The following TET3 variants were observed in gnomAD, a reference collection of about 807,000 sequenced individuals.
TET3 encodes tet methylcytosine dioxygenase 3.
In TET3, 19 loss-of-function variants were observed where a neutral mutation model predicts 141.4. The observed-to-expected ratio is 0.13, with a 90% CI of 0.09 to 0.20. The LOEUF (loss-of-function observed/expected upper bound fraction) is 0.20. TET3 is among the 10% of genes least tolerant of loss of function. The pLI is 1.00. For synonymous variants in TET3, 1,043 were observed against 980.9 expected (o/e 1.06, Z -1.18); for missense variants, 1,874 against 2,356.9 (o/e 0.80, Z 4.24).
intron 4 of TET3, among the ~76,000 whole-genome samples, chr2:74,071,515 A>G (rs181798368): frequency 2.7e-4 from 41 of 152,310 alleles, no homozygotes; most frequent in Admixed American, 9.8e-4. Context: ...AAGTTAGTGC[A>G]GCGAATTCCT....
rs964111144 is a variant in TET3 at position 74,016,240 on chromosome 2, C to G, written c.360+13074C>G. On this transcript the variant is annotated intron_variant, in intron 3 of 11. Transcript: ENST00000409262. ...CTTGCTTGAGCCCAGGAGTTGGACA[C>G]TATAGTGTGCTACGATCAGGCCACT... Among the ~76,000 whole-genome samples the G allele has an allele frequency of 4.2e-4, 64 of 151,390 alleles. 1 individual carries two copies. Among genetic ancestry groups the G allele is most frequent in the Non-Finnish European group, 7.4e-5 (5 of 67,920 alleles).
the TET3 span, among the ~76,000 whole-genome samples, chr2:74,115,259 C>CA: frequency 1.3e-5 from 2 of 151,894 alleles, no homozygotes; most frequent in Non-Finnish European, 1.5e-5. Flanking sequence ...ATCTCAACAG[C>CA]AAAAAAACGA....
intron 3 of TET3, among the ~76,000 whole-genome samples, chr2:74,032,777 C>T (rs543091628): frequency 1.1e-3 from 162 of 152,254 alleles, no homozygotes; most frequent in African/African-American, 3.8e-3. Context: ...AGCAGCTGTG[C>T]TCCCCCTTCA....
chr2:74,003,489 T>TGG (rs1336189061), intron 3 of TET3, among the ~76,000 whole-genome samples: 71 of 127,060 alleles, frequency 5.6e-4, no homozygotes, highest in African/African-American at 2.1e-3. Context: ...TGGAAATCTC[T>TGG]CGAGAATGTC....
At chr2:74,086,060 C>G (rs1404043746) in intron 6 of TET3, among the ~76,000 whole-genome samples, 1 of 152,238 alleles carries the variant, frequency 6.6e-6, no homozygotes, top group Non-Finnish European at 1.5e-5. Context: ...CTTTCTAAAG[C>G]ATGAAACTCT....
chr2:74,013,510 C>G (rs6714186), intron 3 of TET3, among the ~76,000 whole-genome samples: 7 of 151,560 alleles, frequency 4.6e-5, no homozygotes, highest in Non-Finnish European at 8.8e-5. Context: ...AATAATAATT[C>G]GATTCTTTTT....
At chr2:74,050,289 A>G (rs1238431044) in intron 4 of TET3, among the ~76,000 whole-genome samples, 1 of 152,220 alleles carries the variant, frequency 6.6e-6, no homozygotes, top group Non-Finnish European at 1.5e-5. Context: ...GAAAACGATA[A>G]TAGTACCGGC....
intron 7 of TET3, among the ~76,000 whole-genome samples, chr2:74,088,676 T>C (rs1044146356): frequency 6.6e-6 from 1 of 151,968 alleles, no homozygotes; most frequent in Non-Finnish European, 1.5e-5. Context: ...TTATCAGAGT[T>C]TTTCCCATTT....
intron 4 of TET3, among the ~76,000 whole-genome samples, chr2:74,066,806 TCTC>T (rs1456072616): frequency 3.3e-5 from 5 of 152,152 alleles, no homozygotes; most frequent in Non-Finnish European, 7.4e-5. Flanking sequence ...GTTTGTGCCT[TCTC>T]CTTGAAAATT....
intron 4 of TET3, among the ~76,000 whole-genome samples, chr2:74,054,559 G>A (rs748835129): frequency 4.6e-5 from 7 of 152,126 alleles, no homozygotes; most frequent in Non-Finnish European, 7.3e-5. Context: ...GCAGACTGAT[G>A]GTAACTGAAA....
At chr2:74,112,020 C>CA (rs1439501325), downstream of TET3, among the ~76,000 whole-genome samples, 7 of 152,164 alleles carry the variant, frequency 4.6e-5, no homozygotes, top group African/African-American at 1.7e-4. Flanking sequence ...TGAAAGACTT[C>CA]AATTCTAGCC....
chr2:74,117,263 G>A, the TET3 span, among the ~76,000 whole-genome samples: 1 of 152,106 alleles, frequency 6.6e-6, no homozygotes, highest in African/African-American at 2.4e-5. Flanking sequence ...TTTTAGTAGA[G>A]ATGGGGTTTC....
chr2:74,092,042 G>A (rs181850423), intron 8 of TET3, among the ~76,000 whole-genome samples: 160 of 152,326 alleles, frequency 1.1e-3, no homozygotes, highest in Middle Eastern at 6.8e-3. Context: ...TGTGGCTCAC[G>A]CCTGTAATCC....
rs1172268178 is a variant in TET3, at chr2:74,003,178, G to T, written c.360+12G>T. ...GAGCGGCTGTCAAGGTACCTTGTGT[G>T]TGTGCGTGCGTGTGTGTGCGTGTGT... On this transcript the variant is annotated intron_variant, in intron 3 of 11. Transcript: ENST00000409262. 1.9e-6 allele frequency: 3 copies of T among 1,546,904 alleles called. No homozygotes were observed. Among genetic ancestry groups the T allele is most frequent in the Non-Finnish European group, 2.6e-6 (3 of 1,145,506 alleles).
chr2:74,109,875 CA>C (rs1691662042), downstream of TET3, among the ~76,000 whole-genome samples: 1 of 152,122 alleles, frequency 6.6e-6, no homozygotes. Context: ...GAGTGTACAC[CA>C]AGGTTTATTA....
chr2:74,075,310 G>C (rs1319514079), intron 5 of TET3, among the ~76,000 whole-genome samples: 1 of 148,248 alleles, frequency 6.7e-6, no homozygotes, highest in Non-Finnish European at 1.5e-5. Context: ...CTGACCATGA[G>C]AGCCAAATAC....
chr2:74,083,055 C>T (rs986292827), intron 6 of TET3, among the ~76,000 whole-genome samples: 3 of 152,204 alleles, frequency 2.0e-5, no homozygotes, highest in African/African-American at 7.2e-5. Flanking sequence ...CAGTGTGCCT[C>T]ACATGTTCTG....
intron 2 of TET3, among the ~76,000 whole-genome samples, chr2:74,000,255 G>A (rs1287569918): frequency 6.6e-6 from 1 of 152,182 alleles, no homozygotes; most frequent in Admixed American, 6.5e-5. Flanking sequence ...CCAGCCCCCT[G>A]CCTCTCCACC....
intron 3 of TET3, among the ~76,000 whole-genome samples, chr2:74,013,636 C>T (rs1018171876): frequency 2.6e-5 from 4 of 151,872 alleles, no homozygotes; most frequent in Non-Finnish European, 5.9e-5. Flanking sequence ...AGTGAAACCC[C>T]GTCTCTACTG....
Sources: gnomAD v4.1 joint callset for allele counts (sites outside exome capture counted in the v4.1 genomes callset) on GRCh38, gnomAD v4.1.1 for gene constraint, MANE v1.5 for transcripts, NCBI Gene and HGNC (gene_info 2026-07-23, HGNC 2026-07-21) for gene names.